Variants in JARID2 observed in about 807,000 individuals in gnomAD.
The protein encoded by JARID2 is protein Jumonji.
A neutral mutation model predicts 125.6 loss-of-function variants in JARID2; 21 were observed. The ratio of observed to expected loss-of-function variants is 0.17; its 90% CI spans 0.12 to 0.24. The LOEUF (loss-of-function observed/expected upper bound fraction) is 0.24, where lower values mean the gene tolerates loss of function less well. JARID2 is among the 10% of genes least tolerant of loss of function. JARID2 has a pLI of 1.00. For missense variants in JARID2, 1,303 were observed against 1,639.6 expected (o/e 0.79, Z 3.55); for synonymous variants, 736 against 661.6 (o/e 1.11, Z -1.73).
At chr6:15,376,701 G>A (rs1026385775) in intron 2 of JARID2, among the ~76,000 whole-genome samples, 9 of 152,170 alleles carry the variant, frequency 5.9e-5, no homozygotes, top group Admixed American at 2.0e-4. Flanking sequence ...TCCAGCTTGG[G>A]CAACAGAGCG....
intron 3 of JARID2, among the ~76,000 whole-genome samples, chr6:15,447,147 A>T (rs553577307): frequency 6.6e-6 from 1 of 152,230 alleles, no homozygotes; most frequent in South Asian, 2.1e-4. Context: ...TGAAACATCT[A>T]TTCCCTCACC....
At chr6:15,360,258 C>G (rs543061183) in intron 1 of JARID2, among the ~76,000 whole-genome samples, 7 of 152,056 alleles carry the variant, frequency 4.6e-5, no homozygotes, top group Non-Finnish European at 1.0e-4. Context: ...TCTCAGTTCA[C>G]GGCAATGCCT....
intron 1 of JARID2, among the ~76,000 whole-genome samples, chr6:15,270,790 A>G (rs141734920): frequency 7.9e-5 from 12 of 152,192 alleles, no homozygotes; most frequent in African/African-American, 2.6e-4. Context: ...TCTACTAAAA[A>G]TAGAAAAAAT....
chr6:15,280,928 C>T (rs1760725496), intron 1 of JARID2, among the ~76,000 whole-genome samples: 1 of 152,122 alleles, frequency 6.6e-6, no homozygotes, highest in African/African-American at 2.4e-5. Flanking sequence ...CGTGCCTGGC[C>T]AGCCCCTTAA....
chr6:15,450,048 T>A (rs1015713991), intron 3 of JARID2, among the ~76,000 whole-genome samples: 8 of 152,264 alleles, frequency 5.3e-5, no homozygotes, highest in South Asian at 4.1e-4. Context: ...AATTTTTTTT[T>A]AAATGTTACA....
Position 15,501,229 on chromosome 6 carries a change from C to A in JARID2, c.2268C>A (p.Pro756=). The A allele has an allele frequency of 6.2e-7, 1 of 1,613,732 alleles. No individual in the cohort carries two copies. The highest frequency in any genetic ancestry group is 8.5e-7 in the Non-Finnish European group (1 of 1,179,706). ...TCCACCCTCTGCCCCGCTTCGAGCC[C>A]AAGAATGGGCTCATCCACGGCGTGG... The part of the protein sequence containing the change: ...HKFHPLPRFE[P]KNGLIHGVAP... The change falls in exon 8 of 18, where the codon CCC becomes CCA. Residue 756 remains proline, a synonymous_variant. Coordinates refer to ENST00000341776, the MANE Select transcript of JARID2 (RefSeq NM_004973.4).
intron 2 of JARID2, among the ~76,000 whole-genome samples, chr6:15,404,785 C>A (rs563728949): frequency 6.6e-6 from 1 of 152,216 alleles, no homozygotes; most frequent in South Asian, 2.1e-4. Flanking sequence ...TTTAGAAGCC[C>A]TGGAACAGCC....
intron 1 of JARID2, among the ~76,000 whole-genome samples, chr6:15,348,785 G>T (rs946260859): frequency 1.3e-5 from 2 of 152,236 alleles, no homozygotes; most frequent in East Asian, 1.9e-4. Flanking sequence ...GAGAACTAGC[G>T]TGGGGAGCTC....
At chr6:15,350,730 GTTTTTTT>G (rs538674872) in intron 1 of JARID2, among the ~76,000 whole-genome samples, 4 of 130,418 alleles carry the variant, frequency 3.1e-5, no homozygotes, top group African/African-American at 1.1e-4. Context: ...ATAGTTTAAG[GTTTTTTT>G]TTTTTTTTTT....
chr6:15,459,427 A>C (rs1251325456), intron 4 of JARID2, among the ~76,000 whole-genome samples: 1 of 152,032 alleles, frequency 6.6e-6, no homozygotes, highest in East Asian at 1.9e-4. Context: ...ATTACAAGGA[A>C]AAAAAGAGTC....
intron 1 of JARID2, among the ~76,000 whole-genome samples, chr6:15,363,170 A>G (rs1763860136): frequency 6.6e-6 from 1 of 152,198 alleles, no homozygotes; most frequent in South Asian, 2.1e-4. Flanking sequence ...AGTTTGCGTT[A>G]AATTTGGCAA....
chr6:15,250,156 G>T (rs1329788660), intron 1 of JARID2, among the ~76,000 whole-genome samples: 1 of 152,130 alleles, frequency 6.6e-6, no homozygotes, highest in East Asian at 1.9e-4. Flanking sequence ...TGTACCACTA[G>T]GCTGTAAGTT....
intron 7 of JARID2, among the ~76,000 whole-genome samples, chr6:15,498,634 T>C (rs1770578806): frequency 6.6e-6 from 1 of 152,226 alleles, no homozygotes; most frequent in Non-Finnish European, 1.5e-5. Context: ...TGTCAGGGAT[T>C]TGGCAGCAAG....
intron 3 of JARID2, among the ~76,000 whole-genome samples, chr6:15,441,094 T>C (rs1437176889): frequency 6.6e-6 from 1 of 152,046 alleles, no homozygotes; most frequent in Non-Finnish European, 1.5e-5. Context: ...TTTCTGATAC[T>C]CAGAAAATGT....
intron 17 of JARID2, among the ~76,000 whole-genome samples, chr6:15,517,901 G>T (rs78728015): frequency 1.2e-4 from 19 of 152,214 alleles, no homozygotes; most frequent in Non-Finnish European, 2.4e-4. Context: ...GAGGAAGGTC[G>T]CCACATTGTG....
At chr6:15,350,640 A>T (rs1488972332) in intron 1 of JARID2, among the ~76,000 whole-genome samples, 1 of 151,802 alleles carries the variant, frequency 6.6e-6, no homozygotes, top group Non-Finnish European at 1.5e-5. Context: ...ACTTCCTTAT[A>T]GTCATCGTTG....
intron 1 of JARID2, among the ~76,000 whole-genome samples, chr6:15,308,925 G>A (rs1382321080): frequency 1.3e-5 from 2 of 152,186 alleles, no homozygotes; most frequent in Non-Finnish European, 2.9e-5. Flanking sequence ...GTGCAGTGGG[G>A]AAGTCCCCTG....
At chr6:15,493,474 A>G (rs970896465) in intron 6 of JARID2, among the ~76,000 whole-genome samples, 2 of 152,250 alleles carry the variant, frequency 1.3e-5, no homozygotes, top group East Asian at 3.9e-4. Flanking sequence ...GATTAGCGAT[A>G]TACGAAGCCG....
At chr6:15,474,611 C>T (rs908496697) in intron 5 of JARID2, among the ~76,000 whole-genome samples, 4 of 152,116 alleles carry the variant, frequency 2.6e-5, no homozygotes, top group African/African-American at 9.7e-5. Flanking sequence ...TCATTTATAT[C>T]CCAGCATAAG....
Sources: gnomAD v4.1 joint callset for allele counts (sites outside exome capture counted in the v4.1 genomes callset) on GRCh38, gnomAD v4.1.1 for gene constraint, MANE v1.5 for transcripts, NCBI Gene and HGNC (gene_info 2026-07-23, HGNC 2026-07-21) for gene names.